DPP10: variants seen among roughly 807,000 people sequenced by gnomAD.
DPP10 encodes the protein inactive dipeptidyl peptidase 10.
DPP10 carries 33 observed loss-of-function variants against 120.9 expected under a neutral mutation model. That is an observed-to-expected ratio of 0.27 (90% confidence interval 0.21 to 0.37). The LOEUF is 0.37. DPP10 is among the 10% of genes least tolerant of loss of function. The pLI, the probability that DPP10 is intolerant of heterozygous loss-of-function variation, is 1.00. For synonymous variants in DPP10, 337 were observed against 326.1 expected (o/e 1.03, Z -0.36); for missense variants, 816 against 942.8 (o/e 0.87, Z 1.76).
chr2:114,453,558 T>C (rs191901923), intron 1 of DPP10, among the ~76,000 whole-genome samples: 148 of 152,300 alleles, frequency 9.7e-4, no homozygotes, highest in Middle Eastern at 3.4e-3. Context: ...GAAGTTCTTA[T>C]ACCTTCAGGA....
At chr2:115,805,857 G>C (rs1432906642) in intron 19 of DPP10, among the ~76,000 whole-genome samples, 1 of 152,044 alleles carries the variant, frequency 6.6e-6, no homozygotes, top group Non-Finnish European at 1.5e-5. Context: ...TTACAGGTGT[G>C]AGCCGCCGCG....
intron 7 of DPP10, among the ~76,000 whole-genome samples, chr2:115,725,877 A>G (rs772334792): frequency 6.6e-6 from 1 of 152,178 alleles, no homozygotes; most frequent in Non-Finnish European, 1.5e-5. Flanking sequence ...AGTATTGGAA[A>G]GGTGTAAAGC....
chr2:115,060,704 T>C lies in DPP10; in HGVS notation c.61-248535T>C, dbSNP rs149912754. ...TTGCTTTGGGAGCTCATTCACAACA[T>C]CTTTTATTATTCTGACAGGTTTCAT... On this transcript the variant is annotated intron_variant, in intron 1 of 25. Transcript: ENST00000410059. Among the ~76,000 whole-genome samples the C allele has an allele frequency of 2.1e-3, 315 of 152,344 alleles. 1 individual carries two copies. Among genetic ancestry groups the C allele is most frequent in the African/African-American group, 7.0e-3 (289 of 41,580 alleles).
intron 1 of DPP10, among the ~76,000 whole-genome samples, chr2:115,146,691 A>T (rs2051243350): frequency 6.6e-6 from 1 of 152,060 alleles, no homozygotes. Context: ...AGTTGATTCA[A>T]TTGAAATCAT....
chr2:115,746,265 G>A, intron 10 of DPP10, 82 bp downstream of exon 10: 1 of 1,197,884 alleles, frequency 8.3e-7, no homozygotes, highest in South Asian at 1.3e-5. Flanking sequence ...AGAGAGAGAT[G>A]TGATCAGCTC....
chr2:114,955,302 C>A (rs560936123), intron 1 of DPP10, among the ~76,000 whole-genome samples: 1 of 152,076 alleles, frequency 6.6e-6, no homozygotes, highest in Admixed American at 6.6e-5. Context: ...TGGTTTTGGC[C>A]GGCTCCTTTA....
chr2:114,885,880 T>C (rs1384478846), intron 1 of DPP10, among the ~76,000 whole-genome samples: 2 of 152,198 alleles, frequency 1.3e-5, no homozygotes, highest in African/African-American at 4.8e-5. Context: ...TTAACATTCT[T>C]AAGCATCACA....
At chr2:115,783,932 A>C (rs1404640042) in intron 17 of DPP10, among the ~76,000 whole-genome samples, 2 of 152,172 alleles carry the variant, frequency 1.3e-5, no homozygotes, top group Admixed American at 6.5e-5. Context: ...TATAGGACAC[A>C]CTTAATCAAT....
intron 1 of DPP10, among the ~76,000 whole-genome samples, chr2:114,460,169 A>AT (rs1053106806): frequency 4.0e-4 from 60 of 148,516 alleles, no homozygotes; most frequent in African/African-American, 1.5e-3. Context: ...ATTTGGGATG[A>AT]TATCTATCTA....
At chr2:114,587,400 G>A (rs1691091767) in intron 1 of DPP10, among the ~76,000 whole-genome samples, 1 of 151,404 alleles carries the variant, frequency 6.6e-6, no homozygotes, top group African/African-American at 2.4e-5. Flanking sequence ...ATGGACTAAG[G>A]TAGCCATGTA....
chr2:114,655,440 G>C (rs1696896970), intron 1 of DPP10, among the ~76,000 whole-genome samples: 1 of 152,210 alleles, frequency 6.6e-6, no homozygotes, highest in Non-Finnish European at 1.5e-5. Context: ...GTTAAGGCAA[G>C]AAAAGCGCAT....
chr2:115,503,390 G>A (rs890381850), intron 4 of DPP10, among the ~76,000 whole-genome samples: 3 of 152,088 alleles, frequency 2.0e-5, no homozygotes, highest in Non-Finnish European at 2.9e-5. Context: ...ACTCTGTACC[G>A]CTGTGAAATC....
intron 1 of DPP10, among the ~76,000 whole-genome samples, chr2:114,894,453 C>G (rs886443697): frequency 6.6e-6 from 1 of 152,150 alleles, no homozygotes; most frequent in African/African-American, 2.4e-5. Flanking sequence ...TCCGTTCATT[C>G]AATAGGCCAC....
chr2:114,591,487 AT>A (rs1469582113), intron 1 of DPP10, among the ~76,000 whole-genome samples: 1 of 151,622 alleles, frequency 6.6e-6, no homozygotes, highest in African/African-American at 2.4e-5. Context: ...CAAATCCCAA[AT>A]AAGTGAGAGT....
intron 1 of DPP10, among the ~76,000 whole-genome samples, chr2:114,734,017 T>G (rs1677184785): frequency 6.6e-6 from 1 of 152,200 alleles, no homozygotes. Context: ...CCATAAATTC[T>G]CATCAGATAG....
At chr2:115,535,369 A>G (rs954675905) in intron 5 of DPP10, among the ~76,000 whole-genome samples, 17 of 151,830 alleles carry the variant, frequency 1.1e-4, no homozygotes, top group Non-Finnish European at 2.5e-4. Flanking sequence ...TTAAATAGGG[A>G]ATCCTTTCCC....
intron 1 of DPP10, among the ~76,000 whole-genome samples, chr2:115,045,546 T>C (rs1704999596): frequency 6.6e-6 from 1 of 152,176 alleles, no homozygotes. Context: ...TGCTTTCCAC[T>C]GTGACCAGGA....
chr2:115,254,703 A>T (rs1484017774), intron 1 of DPP10, among the ~76,000 whole-genome samples: 1 of 152,248 alleles, frequency 6.6e-6, no homozygotes, highest in East Asian at 1.9e-4. Context: ...AGATGGGGGA[A>T]ATTGGCCAAA....
intron 5 of DPP10, among the ~76,000 whole-genome samples, chr2:115,536,381 T>C (rs2078841455): frequency 6.6e-6 from 1 of 152,020 alleles, no homozygotes; most frequent in Non-Finnish European, 1.5e-5. Context: ...GGTGATATCA[T>C]AATTTATTCA....
Sources: allele counts gnomAD v4.1 joint callset (sites outside exome capture counted in the v4.1 genomes callset), GRCh38; gene constraint gnomAD v4.1.1; transcripts MANE v1.5; gene names NCBI Gene and HGNC (gene_info 2026-07-23, HGNC 2026-07-21).